The following PRPF18 variants were observed in gnomAD, a reference collection of about 807,000 sequenced individuals.
PRPF18 encodes the protein pre-mRNA processing factor 18.
Under a neutral mutation model 46.5 loss-of-function variants are expected in PRPF18, and 38 were observed. That is an observed-to-expected ratio of 0.82 (90% CI 0.63 to 1.07). The LOEUF (loss-of-function observed/expected upper bound fraction) is 1.07, where lower values mean the gene tolerates loss of function less well. PRPF18 is among the 50% of genes least tolerant of loss of function. The pLI, the probability that PRPF18 is intolerant of heterozygous loss-of-function variation, is 0.00. For synonymous variants in PRPF18, 152 were observed against 146.7 expected (o/e 1.04, Z -0.26); for missense variants, 263 against 410.0 (o/e 0.64, Z 3.10).
intron 1 of PRPF18, chr10:13,591,952 T>C: frequency 8.2e-7 from 1 of 1,213,780 alleles, no homozygotes; most frequent in Non-Finnish European, 1.1e-6. Flanking sequence ...TTGCCATGGC[T>C]CAACAGCTTT....
At chr10:13,655,231 C>T in the PRPF18 span, 1 of 152,222 alleles carries the variant, frequency 6.6e-6, no homozygotes, top group African/African-American at 2.4e-5. Flanking sequence ...TACAGCTTAA[C>T]AATTTTAGTC....
chr10:13,637,531 G>T, the PRPF18 span, among the ~76,000 whole-genome samples: 3 of 152,070 alleles, frequency 2.0e-5, no homozygotes, highest in Non-Finnish European at 4.4e-5. Flanking sequence ...CTACTGAATT[G>T]CCTGCTTTTT....
chr10:13,643,298 T>A, the PRPF18 span: 1 of 152,294 alleles, frequency 6.6e-6, no homozygotes, highest in Non-Finnish European at 1.5e-5. Flanking sequence ...CTAGCTTCCT[T>A]CATTGCTCCT....
At chr10:13,650,021 T>C in the PRPF18 span, among the ~76,000 whole-genome samples, 1 of 152,178 alleles carries the variant, frequency 6.6e-6, no homozygotes. Context: ...CTGTGGGGGC[T>C]TTCCACTGCA....
chr10:13,602,228 G>A (rs542852108), intron 3 of PRPF18, among the ~76,000 whole-genome samples: 10 of 152,284 alleles, frequency 6.6e-5, no homozygotes, highest in Non-Finnish European at 1.5e-4. Context: ...TTGTGTTAAT[G>A]TGAAACTTTC....
chr10:13,599,334 T>C (rs2080074500), intron 2 of PRPF18, among the ~76,000 whole-genome samples: 1 of 152,236 alleles, frequency 6.6e-6, no homozygotes, highest in African/African-American at 2.4e-5. Context: ...TATAGAATCA[T>C]GAATTATGTA....
the PRPF18 span, chr10:13,653,968 C>T: frequency 4.4e-6 from 1 of 229,312 alleles, no homozygotes; most frequent in Non-Finnish European, 8.1e-6. Flanking sequence ...CAGGACACAG[C>T]CCTTTTTCTT....
intron 9 of PRPF18, among the ~76,000 whole-genome samples, chr10:13,627,617 A>G (rs191436089): frequency 6.6e-6 from 1 of 152,330 alleles, no homozygotes. Context: ...GCACTCTCAA[A>G]TCTTTTTTAC....
chr10:13,600,472 T>G (rs1046384241), intron 3 of PRPF18, 124 bp downstream of exon 3: 19 of 656,384 alleles, frequency 2.9e-5, no homozygotes, highest in Non-Finnish European at 4.3e-5. Context: ...AAAAATGCTG[T>G]GCAGCTAGTT....
chr10:13,611,539 A>T, intron 5 of PRPF18, 76 bp from the exon 6 acceptor site: 2 of 1,186,750 alleles, frequency 1.7e-6, no homozygotes, highest in Non-Finnish European at 2.5e-6. Flanking sequence ...AGCCATGTTT[A>T]GACTGGTGTT....
the PRPF18 span, chr10:13,647,741 T>TTA: frequency 6.6e-6 from 1 of 151,938 alleles, no homozygotes; most frequent in South Asian, 2.1e-4. Flanking sequence ...GCTTTTTTTT[T>TTA]TTTTTTTAAG....
chr10:13,619,347 T>G (rs2133878935), intron 9 of PRPF18, among the ~76,000 whole-genome samples: 1 of 152,354 alleles, frequency 6.6e-6, no homozygotes, highest in South Asian at 2.1e-4. Flanking sequence ...CGTTTTTATT[T>G]TGAAATAATT....
At chr10:13,655,332 C>T in the PRPF18 span, 3 of 152,188 alleles carry the variant, frequency 2.0e-5, no homozygotes, top group Non-Finnish European at 4.4e-5. Context: ...ATAAACCCTC[C>T]TGTTTGTTGG....
At chr10:13,649,208 G>C in the PRPF18 span, 1 of 152,210 alleles carries the variant, frequency 6.6e-6, no homozygotes, top group Admixed American at 6.5e-5. Flanking sequence ...AACATAATCT[G>C]CTTCAGAGGG....
chr10:13,636,629 A>G, the PRPF18 span, among the ~76,000 whole-genome samples: 3 of 152,320 alleles, frequency 2.0e-5, no homozygotes, highest in African/African-American at 7.2e-5. Context: ...TTACTAGAGT[A>G]TCACATCATG....
At chr10:13,592,383 G>A (rs530621269) in intron 1 of PRPF18, 4 of 245,152 alleles carry the variant, frequency 1.6e-5, no homozygotes, top group Middle Eastern at 8.7e-4. Flanking sequence ...CACGGGTCAG[G>A]GATCAGTAGA....
chr10:13,644,660 G>A, the PRPF18 span: 1 of 152,192 alleles, frequency 6.6e-6, no homozygotes, highest in Non-Finnish European at 1.5e-5. Context: ...TGTAGAACAT[G>A]TAACCATGTA....
At chr10:13,604,633 T>G (rs892274289) in intron 3 of PRPF18, among the ~76,000 whole-genome samples, 5 of 152,252 alleles carry the variant, frequency 3.3e-5, no homozygotes, top group African/African-American at 1.2e-4. Flanking sequence ...CTATAAATGC[T>G]GTCATTCCCT....
the PRPF18 span, chr10:13,642,228 C>T: frequency 6.6e-6 from 1 of 152,238 alleles, no homozygotes. Context: ...CTGTTTAATG[C>T]TAGTGTCCTC....
Sources: gnomAD v4.1 joint callset for allele counts (sites outside exome capture counted in the v4.1 genomes callset) on GRCh38, gnomAD v4.1.1 for gene constraint, MANE v1.5 for transcripts, NCBI Gene and HGNC (gene_info 2026-07-23, HGNC 2026-07-21) for gene names.